Variants in RASAL2 observed in about 807,000 individuals in gnomAD.
The protein encoded by RASAL2 is ras GTPase-activating protein nGAP.
In RASAL2, 58 loss-of-function variants were observed where a neutral mutation model predicts 128.9. That is an observed-to-expected ratio of 0.45 (90% CI 0.36 to 0.56). The LOEUF is 0.56. RASAL2 is among the 20% of genes least tolerant of loss of function. The pLI, the probability that RASAL2 is intolerant of heterozygous loss-of-function variation, is 0.00. For synonymous variants in RASAL2, 561 were observed against 580.8 expected, an observed-to-expected ratio of 0.97 and a Z score of 0.49; for missense variants, 1,360 against 1,601.6, an observed-to-expected ratio of 0.85 and a Z score of 2.57.
rs1261463461 is a variant in RASAL2, at chr1:178,172,448, T to C, written c.202+77754T>C. Among the ~76,000 whole-genome samples the C allele has an allele frequency of 2.6e-5, 4 of 152,178 alleles. No individual in the cohort carries two copies. In the East Asian group the frequency reaches 5.8e-4, roughly 22 times the overall value. Reference sequence around the variant, plus strand: ...TTTGTAAAGATGTTTAACAGGTTTTTCATTTAAATCTAATATTGTTATCCC... The same window carrying C: ...TTTGTAAAGATGTTTAACAGGTTTTCCATTTAAATCTAATATTGTTATCCC... On this transcript the variant is annotated intron_variant, in intron 1 of 17. Coordinates refer to ENST00000367649, the MANE Select transcript of RASAL2 (RefSeq NM_170692.4).
At chr1:178,204,605 G>C (rs1229178738) in intron 1 of RASAL2, among the ~76,000 whole-genome samples, 1 of 152,090 alleles carries the variant, frequency 6.6e-6, no homozygotes, top group Non-Finnish European at 1.5e-5. Flanking sequence ...ACTGAAAGAT[G>C]GTTCGTAAGC....
At chr1:178,430,531 G>C (rs186158734) in intron 5 of RASAL2, among the ~76,000 whole-genome samples, 3 of 152,076 alleles carry the variant, frequency 2.0e-5, no homozygotes, top group Admixed American at 6.5e-5. Context: ...ATGAACTAAT[G>C]CATGTCATAT....
At chr1:178,318,677 C>T (rs910129747) in intron 3 of RASAL2, among the ~76,000 whole-genome samples, 5 of 151,730 alleles carry the variant, frequency 3.3e-5, no homozygotes, top group African/African-American at 1.2e-4. Flanking sequence ...TATTTTGAGC[C>T]TATGTGTGTC....
chr1:178,282,657 G>C (rs1322138088), intron 1 of RASAL2, among the ~76,000 whole-genome samples: 1 of 152,030 alleles, frequency 6.6e-6, no homozygotes, highest in Non-Finnish European at 1.5e-5. Context: ...TTTTCAATTT[G>C]AGTTTTTACT....
rs969566306 is a variant in RASAL2, at chr1:178,333,041, T to A, written c.457+32923T>A. On this transcript the variant is annotated intron_variant, in intron 3 of 17. Transcript: ENST00000367649. ...ATCAGATTTATTTATTTATTAATTT[T>A]TTTTTGAGACGGAGTCTCGCTCTAT... is the stretch of plus-strand genomic sequence containing the variant. Among the ~76,000 whole-genome samples, 5 of 152,100 alleles carry A rather than the reference T, an allele frequency of 3.3e-5. No individual in the cohort carries two copies. In the East Asian group the frequency reaches 9.7e-4, roughly 29 times the overall value.
intron 4 of RASAL2, among the ~76,000 whole-genome samples, chr1:178,410,055 T>G (rs536474294): frequency 6.6e-6 from 1 of 152,176 alleles, no homozygotes; most frequent in East Asian, 1.9e-4. Flanking sequence ...GGTAATTGAA[T>G]AGCATCAGAT....
chr1:178,324,785 T>C (rs770357137), intron 3 of RASAL2, among the ~76,000 whole-genome samples: 8 of 152,084 alleles, frequency 5.3e-5, no homozygotes, highest in Admixed American at 2.6e-4. Flanking sequence ...CAAAGCCTTT[T>C]AAGTTTACAT....
At chr1:178,361,243 A>C (rs553004179) in intron 3 of RASAL2, among the ~76,000 whole-genome samples, 1 of 152,340 alleles carries the variant, frequency 6.6e-6, no homozygotes, top group African/African-American at 2.4e-5. Context: ...AACAGATTCA[A>C]ATACTAACCA....
intron 1 of RASAL2, among the ~76,000 whole-genome samples, chr1:178,193,075 C>T (rs1415096733): frequency 1.3e-5 from 2 of 151,860 alleles, no homozygotes; most frequent in African/African-American, 2.4e-5. Flanking sequence ...CAGGAAGCAG[C>T]GAAAAAAATA....
rs114776833 is a variant in RASAL2 at position 178,218,956 on chromosome 1, C to A, written c.203-64608C>A. Among the ~76,000 whole-genome samples the A allele has an allele frequency of 3.4e-3, 514 of 152,350 alleles. 4 individuals carry two copies. The highest frequency in any genetic ancestry group is 0.012 in the African/African-American group (499 of 41,582). On this transcript the variant is annotated intron_variant, in intron 1 of 17. Coordinates refer to ENST00000367649, the MANE Select transcript of RASAL2 (RefSeq NM_170692.4). ...CCTAGATGGCATTTTGTTCCAATAG[C>A]AGACTGTTTCATCTATGTTGAAAAT...
chr1:178,281,198 T>C (rs991346151), intron 1 of RASAL2, among the ~76,000 whole-genome samples: 1 of 151,994 alleles, frequency 6.6e-6, no homozygotes. Context: ...CTGTAAAATC[T>C]ATAGGATGGC....
intron 3 of RASAL2, among the ~76,000 whole-genome samples, chr1:178,376,912 C>T (rs1429473911): frequency 6.6e-6 from 1 of 152,112 alleles, no homozygotes; most frequent in Non-Finnish European, 1.5e-5. Flanking sequence ...TCTTATTCTA[C>T]TACTATTCTG....
At chr1:178,408,620 T>G (rs28630496) in intron 4 of RASAL2, among the ~76,000 whole-genome samples, 6 of 149,502 alleles carry the variant, frequency 4.0e-5, no homozygotes, top group African/African-American at 1.5e-4. Context: ...TTGTTTTTTG[T>G]TTTTTGTTTT....
chr1:178,126,538 C>T (rs1446236540), intron 1 of RASAL2, among the ~76,000 whole-genome samples: 2 of 152,030 alleles, frequency 1.3e-5, no homozygotes, highest in Non-Finnish European at 2.9e-5. Flanking sequence ...TAGTCATTAC[C>T]TTTTAAAAAA....
intron 1 of RASAL2, among the ~76,000 whole-genome samples, chr1:178,226,238 T>G (rs960474335): frequency 2.0e-5 from 3 of 152,152 alleles, no homozygotes; most frequent in Admixed American, 2.0e-4. Context: ...CATTATAATG[T>G]GAGAAGCACT....
intron 1 of RASAL2, among the ~76,000 whole-genome samples, chr1:178,283,151 A>C (rs887762944): frequency 2.0e-5 from 3 of 152,190 alleles, no homozygotes; most frequent in African/African-American, 7.2e-5. Flanking sequence ...ATTTACTCTC[A>C]GAGTTCTGGG....
intron 17 of RASAL2, among the ~76,000 whole-genome samples, chr1:178,470,903 C>T (rs1005302502): frequency 4.6e-5 from 7 of 152,132 alleles, no homozygotes; most frequent in African/African-American, 9.7e-5. Flanking sequence ...CATCTTTTGT[C>T]AACTGAACTT....
chr1:178,384,689 CACA>C (rs1000160236), intron 3 of RASAL2, among the ~76,000 whole-genome samples: 18 of 148,750 alleles, frequency 1.2e-4, no homozygotes, highest in African/African-American at 4.2e-4. Flanking sequence ...CACACACACA[CACA>C]AAAAAAAAAC....
chr1:178,146,747 C>CTT (rs368822591), intron 1 of RASAL2, among the ~76,000 whole-genome samples: 1 of 152,070 alleles, frequency 6.6e-6, no homozygotes, highest in African/African-American at 2.4e-5. Flanking sequence ...TTTGCCTATG[C>CTT]TTTTTTTGGT....
Sources: allele counts gnomAD v4.1 joint callset (sites outside exome capture counted in the v4.1 genomes callset), GRCh38; gene constraint gnomAD v4.1.1; transcripts MANE v1.5; gene names NCBI Gene and HGNC (gene_info 2026-07-23, HGNC 2026-07-21).